Variants in CDC14A observed in about 807,000 individuals in gnomAD.
CDC14A encodes the protein dual specificity protein phosphatase CDC14A.
In CDC14A, 53 loss-of-function variants were observed where a neutral mutation model predicts 74.4. The observed-to-expected ratio is 0.71, with a 90% CI of 0.57 to 0.89. The LOEUF is 0.89. Among genes scored for constraint, CDC14A ranks in the 40% least tolerant of loss-of-function variants. CDC14A has a pLI of 0.00. For missense variants in CDC14A, 646 were observed against 713.7 expected (o/e 0.91, Z 1.08); for synonymous variants, 247 against 258.4 (o/e 0.96, Z 0.43).
intron 4 of CDC14A, among the ~76,000 whole-genome samples, chr1:100,414,272 C>T (rs774508593): frequency 2.0e-5 from 3 of 150,410 alleles, no homozygotes; most frequent in Non-Finnish European, 2.9e-5. Context: ...TCGAGACCAG[C>T]GTGGGCAACA....
In CDC14A at chr1:100,483,484, T is replaced by A. The variant is rs181362649; in HGVS notation, c.978-808T>A. On this transcript the variant is annotated intron_variant, in intron 10 of 15. Transcript: ENST00000336454. ...TATTTCACTAGATGTTGATATTTTT[T>A]ATGACGAACCACAGTGTTTTTAGTT... Among the ~76,000 whole-genome samples, 555 of 152,308 alleles carry A rather than the reference T, an allele frequency of 3.6e-3. 4 individuals are homozygous for A. In the South Asian group the frequency reaches 0.041, roughly 11 times the overall value.
At position 100,409,442 on chromosome 1, in the gene CDC14A, C is replaced by T. The variant is rs11166446; in HGVS notation, c.310-14780C>T. On this transcript the variant is annotated intron_variant, in intron 4 of 15. Transcript: ENST00000336454. The stretch of plus-strand genomic sequence containing the variant: ...GTCTTAACTCATTTCAGCATTAACT[C>T]GAAAGTCCATAGTCCAAAGTCTCAT... Among the ~76,000 whole-genome samples the T allele has an allele frequency of 8.5e-5, 13 of 152,278 alleles. No individual in the cohort carries two copies. The East Asian group carries it at 1.3e-3, about 16-fold the overall frequency.
At position 100,518,402 on chromosome 1, in the gene CDC14A, A is replaced by G. The variant is rs772549994; in HGVS notation, c.*122A>G. ...TATCTCTGCCTTCTTACCTTAAATT[A>G]AAAAGAGCACTAAGATAACACCTTC... is the stretch of plus-strand genomic sequence containing the variant. On this transcript the variant is annotated 3_prime_UTR_variant, in exon 16 of 16. Coordinates refer to ENST00000336454, the MANE Select transcript of CDC14A (RefSeq NM_003672.4). 254 of 780,606 alleles carry G rather than the reference A, an allele frequency of 3.3e-4. No individual in the cohort carries two copies. The highest frequency in any genetic ancestry group is 5.1e-4 in the Non-Finnish European group (229 of 451,612). 48.4% of individuals were successfully genotyped at this position (780,606 alleles called of 1,614,324 possible).
intron 4 of CDC14A, chr1:100,394,019 C>T: frequency 3.8e-6 from 1 of 263,176 alleles, no homozygotes; most frequent in Non-Finnish European, 7.5e-6. Flanking sequence ...CAAACCTGTG[C>T]CTGCCATTCT....
intron 3 of CDC14A, among the ~76,000 whole-genome samples, chr1:100,387,973 A>G (rs893398719): frequency 5.3e-5 from 8 of 152,360 alleles, no homozygotes; most frequent in African/African-American, 1.7e-4. Flanking sequence ...ACAGTTTCAC[A>G]TTATTAACCA....
At chr1:100,514,754 T>C (rs1650052592) in intron 15 of CDC14A, among the ~76,000 whole-genome samples, 1 of 152,210 alleles carries the variant, frequency 6.6e-6, no homozygotes, top group African/African-American at 2.4e-5. Flanking sequence ...CCTTAGCATA[T>C]AGGAAGTACT....
At position 100,442,963 on chromosome 1, in the gene CDC14A, G is replaced by T; in HGVS notation, c.486G>T (p.Glu162Asp). ...KGLQHGFFDF[E>D]TFDVDEYEHY... ...TACAACATGGATTTTTTGACTTTGA[G>T]ACATTTGATGTGGATGAATATGAAC... is the stretch of plus-strand genomic sequence containing the variant. The change falls in exon 7 of 16, where the codon GAG (glutamate) becomes GAT (aspartate). Residue 162 changes from glutamate (E) to aspartate (D), a missense_variant. By Grantham distance (45) the Glu-to-Asp change is conservative. Transcript: ENST00000336454. The T allele has an allele frequency of 6.2e-7, 1 of 1,603,816 alleles. No homozygotes were observed. Among genetic ancestry groups the T allele is most frequent in the African/African-American group, 1.3e-5 (1 of 74,788 alleles).
intron 8 of CDC14A, among the ~76,000 whole-genome samples, chr1:100,460,537 C>T (rs547086007): frequency 1.3e-5 from 2 of 152,324 alleles, no homozygotes; most frequent in Admixed American, 1.3e-4. Context: ...AGCCCTTCTC[C>T]TCCCCATTCC....
intron 7 of CDC14A, among the ~76,000 whole-genome samples, chr1:100,446,714 T>C (rs1665576139): frequency 6.6e-6 from 1 of 152,220 alleles, no homozygotes; most frequent in African/African-American, 2.4e-5. Flanking sequence ...TTGTGTTTTT[T>C]TGAGAGAGGG....
At chr1:100,350,308 G>T (rs1307438526), upstream of CDC14A, among the ~76,000 whole-genome samples, 1 of 152,140 alleles carries the variant, frequency 6.6e-6, no homozygotes, top group Non-Finnish European at 1.5e-5. Flanking sequence ...GGCCAGGATG[G>T]TCTTGAACTC....
chr1:100,510,113 A>G lies in CDC14A; in HGVS notation c.1756-8138A>G, dbSNP rs905353264. Among the ~76,000 whole-genome samples the G allele has an allele frequency of 2.6e-5, 4 of 152,244 alleles. 1 individual carries two copies. The highest frequency in any genetic ancestry group is 4.1e-4 in the South Asian group (2 of 4,822). On this transcript the variant is annotated intron_variant, in intron 15 of 15. Coordinates refer to ENST00000336454, the MANE Select transcript of CDC14A (RefSeq NM_003672.4). Reference sequence around the variant, plus strand: ...AGGATACTCATATCGTTTTGTCCTCATCACTGTTATCACCTCCCTTCATCC... The same window carrying G: ...AGGATACTCATATCGTTTTGTCCTCGTCACTGTTATCACCTCCCTTCATCC...
At chr1:100,478,116 A>G (rs753017618) in intron 10 of CDC14A, among the ~76,000 whole-genome samples, 6 of 152,170 alleles carry the variant, frequency 3.9e-5, no homozygotes, top group Non-Finnish European at 5.9e-5. Context: ...TTTTTCTTCT[A>G]TTTAAAGCTG....
At chr1:100,451,894 G>A (rs867057522) in intron 7 of CDC14A, among the ~76,000 whole-genome samples, 42 of 152,256 alleles carry the variant, frequency 2.8e-4, no homozygotes, top group African/African-American at 9.6e-4. Context: ...ATTCCCACCT[G>A]CCTTTGGACT....
intron 5 of CDC14A, among the ~76,000 whole-genome samples, chr1:100,432,615 T>C (rs1168206510): frequency 1.3e-5 from 2 of 152,172 alleles, no homozygotes; most frequent in African/African-American, 4.8e-5. Context: ...AATAAAAAGA[T>C]TTAATATAAA....
intron 10 of CDC14A, 108 bp from the exon 11 acceptor site, chr1:100,484,181 CTTA>C: frequency 1.8e-6 from 1 of 554,978 alleles, no homozygotes; most frequent in Non-Finnish European, 3.0e-6. Context: ...TTTGTAAATG[CTTA>C]TTTGCTAAAT....
chr1:100,405,621 C>G (rs1324321197), intron 4 of CDC14A, among the ~76,000 whole-genome samples: 1 of 152,204 alleles, frequency 6.6e-6, no homozygotes, highest in Non-Finnish European at 1.5e-5. Flanking sequence ...TGAGTGAGAA[C>G]ATGCAGTGTT....
At chr1:100,367,435 C>A (rs1653783022) in intron 2 of CDC14A, among the ~76,000 whole-genome samples, 1 of 152,066 alleles carries the variant, frequency 6.6e-6, no homozygotes, top group African/African-American at 2.4e-5. Context: ...TTTCATTATA[C>A]CAAAGTTGGT....
chr1:100,498,401 G>C (rs1181074655), intron 14 of CDC14A, among the ~76,000 whole-genome samples, 194 bp downstream of exon 14: 2 of 152,184 alleles, frequency 1.3e-5, no homozygotes, highest in African/African-American at 2.4e-5. Context: ...AGGGAATGGT[G>C]CAAAGCGTGC....
intron 10 of CDC14A, chr1:100,480,949 G>A (rs1669403007): frequency 6.6e-6 from 1 of 152,146 alleles, no homozygotes; most frequent in African/African-American, 2.4e-5. Flanking sequence ...TATGCTTTCA[G>A]AAATTCTCTA....
Sources: allele counts gnomAD v4.1 joint callset (sites outside exome capture counted in the v4.1 genomes callset), GRCh38; gene constraint gnomAD v4.1.1; transcripts MANE v1.5; gene names NCBI Gene and HGNC (gene_info 2026-07-23, HGNC 2026-07-21).